COL22A1: variants seen among roughly 807,000 people sequenced by gnomAD.
COL22A1 encodes the protein collagen alpha-1(XXII) chain.
In COL22A1, 221 loss-of-function variants were observed where a neutral mutation model predicts 248.9. That is an observed-to-expected ratio of 0.89 (90% CI 0.80 to 0.99). The LOEUF (loss-of-function observed/expected upper bound fraction) is 0.99. Ranked by LOEUF, COL22A1 falls within the 50% of genes least tolerant of loss-of-function variation. The pLI is 0.00. For missense variants in COL22A1, 2,240 were observed against 2,179.0 expected, an observed-to-expected ratio of 1.03 and a Z score of -0.56; for synonymous variants, 891 against 793.4, an observed-to-expected ratio of 1.12 and a Z score of -2.07.
intron 62 of COL22A1, among the ~76,000 whole-genome samples, chr8:138,596,231 C>A (rs1390050339): frequency 6.6e-6 from 1 of 152,224 alleles, no homozygotes; most frequent in Admixed American, 6.5e-5. Context: ...CAGGCACATG[C>A]TAGACCTGGG....
intron 10 of COL22A1, among the ~76,000 whole-genome samples, chr8:138,804,032 C>T (rs572842565): frequency 1.3e-5 from 2 of 152,142 alleles, no homozygotes; most frequent in East Asian, 3.9e-4. Flanking sequence ...CCCTCTCAGC[C>T]CCTCAGCTCC....
chr8:138,597,152 G>T (rs1162146048), intron 61 of COL22A1, among the ~76,000 whole-genome samples, 182 bp from the exon 62 acceptor site: 1 of 152,140 alleles, frequency 6.6e-6, no homozygotes, highest in Non-Finnish European at 1.5e-5. Context: ...TATGCAGGCA[G>T]CATCATCCCA....
At chr8:138,823,111 T>C (rs1490233659) in intron 6 of COL22A1, among the ~76,000 whole-genome samples, 1 of 152,244 alleles carries the variant, frequency 6.6e-6, no homozygotes, top group East Asian at 1.9e-4. Context: ...GGGTAAGTTA[T>C]TTAACCTTTC....
At position 138,878,089 on chromosome 8, in the gene COL22A1, G is replaced by A. The variant is rs751673991; in HGVS notation, c.319C>T (p.Arg107Cys). The part of the protein sequence containing the change: ...SQEEVKAAAR[R>C]LAYHGGNTNT... ...GTGTTGCCCCCGTGGTAGGCGAGAC[G>A]CCGGGCAGCCGCCTTGACCTCCTCC... Residue 107 changes from arginine to cysteine, a missense_variant, in exon 3 of 65, where the codon CGT becomes TGT. Coordinates refer to ENST00000303045, the MANE Select transcript of COL22A1 (RefSeq NM_152888.3). 3.1e-6 allele frequency: 5 copies of A among 1,598,034 alleles called. No individual in the cohort carries two copies. Among genetic ancestry groups the A allele is most frequent in the South Asian group, 2.3e-5 (2 of 88,200 alleles).
Position 138,732,335 on chromosome 8 carries a change from T to C in COL22A1, c.2139+5189A>G, listed in dbSNP as rs553720843. 2.3e-4 allele frequency among the ~76,000 whole-genome samples: 35 copies of C among 152,326 alleles called. 1 individual carries two copies. In the South Asian group the frequency reaches 3.5e-3, roughly 15 times the overall value. On this transcript the variant is annotated intron_variant, in intron 23 of 64. Transcript: ENST00000303045. ...CTGCGGGCAAGTCACTCTTCCCCTG[T>C]GGGCCAGGGAACAGATAGGTAGAAA...
chr8:138,691,529 GTGTA>G (rs1200055677), intron 35 of COL22A1, among the ~76,000 whole-genome samples: 1 of 60,248 alleles, frequency 1.7e-5, no homozygotes, highest in Non-Finnish European at 3.7e-5. Context: ...GTGAAGGTGT[GTGTA>G]TGTGTGTATG....
At chr8:138,689,159 G>GT (rs1826615586) in intron 36 of COL22A1, among the ~76,000 whole-genome samples, 189 bp from the exon 37 acceptor site, 2 of 34,642 alleles carry the variant, frequency 5.8e-5, no homozygotes, top group Admixed American at 7.9e-4. Flanking sequence ...CTGCTCTCCC[G>GT]GGGGGGGGGC....
At chr8:138,836,684 G>A (rs1344605414) in intron 4 of COL22A1, among the ~76,000 whole-genome samples, 2 of 152,186 alleles carry the variant, frequency 1.3e-5, no homozygotes, top group African/African-American at 2.4e-5. Flanking sequence ...CTGGGATAAT[G>A]GGTACAATTT....
intron 5 of COL22A1, chr8:138,827,049 C>T (rs978380697): frequency 4.6e-6 from 2 of 439,486 alleles, no homozygotes; most frequent in African/African-American, 4.0e-5. Flanking sequence ...TCTCCACCAC[C>T]ACCATGACTC....
intron 2 of COL22A1, among the ~76,000 whole-genome samples, chr8:138,878,901 G>C (rs565592243): frequency 1.3e-5 from 2 of 152,150 alleles, no homozygotes; most frequent in African/African-American, 4.8e-5. Flanking sequence ...CCAGCTACTC[G>C]GGAGGCTGAG....
At chr8:138,847,314 G>C (rs189630212) in intron 3 of COL22A1, among the ~76,000 whole-genome samples, 1 of 152,308 alleles carries the variant, frequency 6.6e-6, no homozygotes, top group East Asian at 1.9e-4. Flanking sequence ...CATGGGGTTC[G>C]TTATGATTTT....
intron 58 of COL22A1, among the ~76,000 whole-genome samples, chr8:138,606,121 G>A (rs187156793): frequency 8.1e-4 from 123 of 152,310 alleles, no homozygotes; most frequent in African/African-American, 2.7e-3. Context: ...TTTGCATAAT[G>A]AGACAGCTAA....
rs1031852267 is a variant in COL22A1 at position 138,729,783 on chromosome 8, T to C, written c.2140-4343A>G. On this transcript the variant is annotated intron_variant, in intron 23 of 64. Transcript: ENST00000303045. ...CTCTTGGCCATGCTCTGCCTTCAGATGGCCACAGAGAGCCACACAGTGTGG... is the reference window on the plus strand; with the variant it reads ...CTCTTGGCCATGCTCTGCCTTCAGACGGCCACAGAGAGCCACACAGTGTGG... Among the ~76,000 whole-genome samples, 8 of 152,304 alleles carry C rather than the reference T, an allele frequency of 5.3e-5. No individual in the cohort carries two copies. In the South Asian group the frequency reaches 1.7e-3, roughly 32 times the overall value.
intron 47 of COL22A1, among the ~76,000 whole-genome samples, chr8:138,646,221 C>T (rs1291618069): frequency 1.3e-5 from 2 of 152,156 alleles, no homozygotes; most frequent in Non-Finnish European, 2.9e-5. Context: ...TCAAAAAGCA[C>T]TTTCCTAGTA....
At chr8:138,683,706 G>A (rs1036263289) in intron 39 of COL22A1, among the ~76,000 whole-genome samples, 7 of 152,124 alleles carry the variant, frequency 4.6e-5, no homozygotes, top group Non-Finnish European at 8.8e-5. Context: ...CGTGACCACT[G>A]AATGGCTGTG....
At chr8:138,634,725 C>A (rs548526614) in intron 49 of COL22A1, among the ~76,000 whole-genome samples, 1 of 152,278 alleles carries the variant, frequency 6.6e-6, no homozygotes, top group South Asian at 2.1e-4. Context: ...TTCCTACCCA[C>A]CAAAGCTCAA....
intron 3 of COL22A1, among the ~76,000 whole-genome samples, chr8:138,875,054 A>G (rs1823610789): frequency 6.6e-6 from 1 of 152,194 alleles, no homozygotes; most frequent in South Asian, 2.1e-4. Context: ...AACCAGTATA[A>G]TTCTGACACA....
chr8:138,692,128 A>AGTG, intron 35 of COL22A1, among the ~76,000 whole-genome samples: 1 of 6,826 alleles, frequency 1.5e-4, no homozygotes, highest in African/African-American at 5.6e-4. Flanking sequence ...GTATGTGTGT[A>AGTG]CGTGTGTGCA....
At chr8:138,819,547 G>C (rs1164464481) in intron 7 of COL22A1, among the ~76,000 whole-genome samples, 1 of 148,650 alleles carries the variant, frequency 6.7e-6, no homozygotes, top group Non-Finnish European at 1.5e-5. Context: ...TCTATATAAT[G>C]TACCATTATA....
Sources: allele counts gnomAD v4.1 joint callset (sites outside exome capture counted in the v4.1 genomes callset), GRCh38; gene constraint gnomAD v4.1.1; transcripts MANE v1.5; gene names NCBI Gene and HGNC (gene_info 2026-07-23, HGNC 2026-07-21).